Variants in NCOR2 observed in about 807,000 individuals in gnomAD.
NCOR2 encodes the protein nuclear receptor corepressor 2.
Under a neutral mutation model 262.9 loss-of-function variants are expected in NCOR2, and 81 were observed. The observed-to-expected ratio is 0.31, with a 90% CI of 0.26 to 0.37. NCOR2 has a LOEUF of 0.37. NCOR2 is among the 10% of genes least tolerant of loss of function. NCOR2 has a pLI of 1.00. For missense variants in NCOR2, 3,385 were observed against 3,621.4 expected (o/e 0.93, Z 1.68); for synonymous variants, 1,659 against 1,559.3 (o/e 1.06, Z -1.51).
At chr12:124,402,051 G>C (rs1044398557) in intron 14 of NCOR2, among the ~76,000 whole-genome samples, 1 of 152,174 alleles carries the variant, frequency 6.6e-6, no homozygotes, top group Admixed American at 6.5e-5. Context: ...CCTTCCTGGC[G>C]CCTCAGGAGG....
At chr12:124,491,940 G>A (rs1296191897) in intron 1 of NCOR2, among the ~76,000 whole-genome samples, 1 of 152,192 alleles carries the variant, frequency 6.6e-6, no homozygotes, top group African/African-American at 2.4e-5. Context: ...CAGGGATGAT[G>A]CATATAGAAG....
chr12:124,481,953 G>T lies in NCOR2; in HGVS notation c.411+1643C>A, dbSNP rs2047514733. Among the ~76,000 whole-genome samples, 1 of 152,094 alleles carries T rather than the reference G, an allele frequency of 6.6e-6. No individual in the cohort carries two copies. Among genetic ancestry groups the T allele is most frequent in the Non-Finnish European group, 1.5e-5 (1 of 68,002 alleles). On this transcript the variant is annotated intron_variant, in intron 3 of 46. Coordinates refer to ENST00000405201, the Ensembl canonical transcript of NCOR2. This position sits in a 1 kb window ranked among gnomAD's most constrained non-coding sequence, Gnocchi z 4.6. ...GCTCAGGCCGGGGGTTGCCTCAGGT[G>T]TGGGCAGAAGGCTGGAATTGAGATA...
chr12:124,377,153 G>A (rs986926629), intron 18 of NCOR2, among the ~76,000 whole-genome samples: 6 of 152,204 alleles, frequency 3.9e-5, no homozygotes, highest in African/African-American at 1.2e-4. Context: ...TGTGTTATCC[G>A]GAGCCCTGGA....
chr12:124,425,379 G>C (rs1336181326), intron 11 of NCOR2, among the ~76,000 whole-genome samples: 1 of 150,532 alleles, frequency 6.6e-6, no homozygotes, highest in Non-Finnish European at 1.5e-5. Context: ...GTCTTGAAAA[G>C]AAGAAAGAAA....
intron 33 of NCOR2, 108 bp downstream of exon 35, chr12:124,342,897 C>G (rs2036578430): frequency 8.0e-7 from 1 of 1,251,808 alleles, no homozygotes; most frequent in South Asian, 1.4e-5. Context: ...TTTCGCCATC[C>G]AGGGGAACCT....
chr12:124,438,124 A>C, intron 7 of NCOR2, 128 bp from the exon 10 acceptor site: 1 of 808,802 alleles, frequency 1.2e-6, no homozygotes, highest in Non-Finnish European at 2.0e-6. Context: ...GATGAGACCC[A>C]CCCGTGCTGT....
intron 17 of NCOR2, among the ~76,000 whole-genome samples, chr12:124,381,622 C>T (rs970139577): frequency 6.6e-6 from 1 of 152,232 alleles, no homozygotes; most frequent in African/African-American, 2.4e-5. Context: ...AAGACACTTG[C>T]CCAAGACCAC....
intron 40 of NCOR2, 141 bp downstream of exon 42, chr12:124,334,994 C>T (rs2035755302): frequency 7.7e-7 from 1 of 1,302,894 alleles, no homozygotes; most frequent in Non-Finnish European, 1.1e-6. Context: ...TCACCCACGC[C>T]CTGGATCCCC....
intron 46 of NCOR2, 120 bp from the exon 49 acceptor site, chr12:124,325,703 A>C: frequency 3.2e-6 from 2 of 633,692 alleles, no homozygotes; most frequent in Non-Finnish European, 4.7e-6. Flanking sequence ...GTCCTCCCAG[A>C]CCTTTCTAAT....
exon 30 of NCOR2, chr12:124,347,834 T>A: frequency 6.4e-7 from 1 of 1,564,910 alleles, no homozygotes; most frequent in Non-Finnish European, 8.7e-7. Flanking sequence ...CCTTGTGTGA[T>A]GGACCCGCGG....
At chr12:124,346,714 G>C in exon 31 of NCOR2, 1 of 1,566,110 alleles carries the variant, frequency 6.4e-7, no homozygotes, top group Non-Finnish European at 8.6e-7. Context: ...GCTTCAGGGG[G>C]CCCAGGGCCT....
chr12:124,478,356 G>C (rs929284543), intron 3 of NCOR2, among the ~76,000 whole-genome samples: 2 of 152,222 alleles, frequency 1.3e-5, no homozygotes, highest in African/African-American at 4.8e-5. Flanking sequence ...TTCAGAGATA[G>C]TGCTATTTGT....
Position 124,486,582 on chromosome 12 carries a change from C to G in NCOR2, c.106-14G>C, listed in dbSNP as rs748953812. ...GAGCCCGACGTCCTGCAGGAGGGGA[C>G]AGAGGAGTGGTGAGCGTGGGCGGGC... On this transcript the variant is annotated splice_polypyrimidine_tract_variant and intron_variant, in intron 1 of 46. Transcript: ENST00000405201. The G allele has an allele frequency of 1.3e-5, 20 of 1,559,702 alleles. No individual in the cohort carries two copies. The African/African-American group carries it at 2.3e-4, about 18-fold the overall frequency.
At chr12:124,534,332 C>T (rs1486725287) in intron 1 of NCOR2, among the ~76,000 whole-genome samples, 1 of 152,064 alleles carries the variant, frequency 6.6e-6, no homozygotes, top group Non-Finnish European at 1.5e-5. Flanking sequence ...TGGCGCACGC[C>T]TGTAATCCCA....
intron 7 of NCOR2, among the ~76,000 whole-genome samples, chr12:124,439,288 G>C (rs7295478): frequency 1.9e-5 from 2 of 107,568 alleles, no homozygotes; most frequent in African/African-American, 3.5e-5. Context: ...GAGGGAGAGA[G>C]AGACCCAGAG....
At chr12:124,327,551 G>A in exon 45 of NCOR2, 1 of 1,613,938 alleles carries the variant, frequency 6.2e-7, no homozygotes, top group Non-Finnish European at 8.5e-7. Flanking sequence ...ATTTACCCAT[G>A]AGTGCCTTTC....
intron 13 of NCOR2, among the ~76,000 whole-genome samples, chr12:124,417,592 C>G (rs1414714819): frequency 2.0e-5 from 3 of 151,778 alleles, no homozygotes; most frequent in African/African-American, 7.3e-5. Context: ...AGGGGCCCAA[C>G]AGACGCCTGA....
intron 13 of NCOR2, among the ~76,000 whole-genome samples, chr12:124,412,423 G>C (rs2042632186): frequency 6.6e-6 from 1 of 152,220 alleles, no homozygotes; most frequent in Non-Finnish European, 1.5e-5. Flanking sequence ...TATGAAGCGT[G>C]GCTTTGCAAA....
intron 13 of NCOR2, among the ~76,000 whole-genome samples, chr12:124,404,073 G>A (rs1004249237): frequency 2.0e-5 from 3 of 152,238 alleles, no homozygotes; most frequent in Non-Finnish European, 2.9e-5. Context: ...ACCCTCAAAC[G>A]TAACGTTTAA....
Sources: gnomAD v4.1 joint callset for allele counts (sites outside exome capture counted in the v4.1 genomes callset) on GRCh38, gnomAD v4.1.1 for gene constraint, Gnocchi (gnomAD v3.1) non-coding constraint, MANE v1.5 for transcripts, NCBI Gene and HGNC (gene_info 2026-07-23, HGNC 2026-07-21) for gene names.